MARCHF11: variants seen among roughly 807,000 people sequenced by gnomAD.
The protein encoded by MARCHF11 is membrane associated ring-CH-type finger 11, also known as E3 ubiquitin-protein ligase MARCHF11.
MARCHF11 carries 29 observed loss-of-function variants against 37.3 expected under a neutral mutation model. The ratio of observed to expected loss-of-function variants is 0.78; its 90% CI spans 0.58 to 1.06. The LOEUF is 1.06. MARCHF11 is among the 50% of genes least tolerant of loss of function. The probability of loss-of-function intolerance (pLI) is 0.00; values close to 1 mark genes in which losing one functional copy is unlikely to be tolerated. For synonymous variants in MARCHF11, 233 were observed against 228.0 expected, an observed-to-expected ratio of 1.02 and a Z score of -0.20; for missense variants, 482 against 533.4, an observed-to-expected ratio of 0.90 and a Z score of 0.95.
At chr5:16,119,552 C>T (rs142318493) in intron 2 of MARCHF11, among the ~76,000 whole-genome samples, 63 of 152,088 alleles carry the variant, frequency 4.1e-4, no homozygotes, top group African/African-American at 1.4e-3. Flanking sequence ...GGACCACAGC[C>T]CTGACATGCT....
At chr5:16,120,072 G>T (rs541008617) in intron 2 of MARCHF11, among the ~76,000 whole-genome samples, 1 of 152,322 alleles carries the variant, frequency 6.6e-6, no homozygotes, top group South Asian at 2.1e-4. Flanking sequence ...AGCCAGAGGG[G>T]TCTCCTAAAG....
At chr5:16,082,127 C>T (rs1736619071) in intron 3 of MARCHF11, among the ~76,000 whole-genome samples, 1 of 152,210 alleles carries the variant, frequency 6.6e-6, no homozygotes, top group South Asian at 2.1e-4. Context: ...GACAATTTCA[C>T]ATCACAAAGG....
chr5:16,129,459 A>G (rs1579399665), intron 2 of MARCHF11, among the ~76,000 whole-genome samples: 1 of 152,226 alleles, frequency 6.6e-6, no homozygotes, highest in African/African-American at 2.4e-5. Flanking sequence ...CATTTTTAAA[A>G]TAATCATTAC....
At chr5:16,105,625 A>G (rs1254686329) in intron 2 of MARCHF11, among the ~76,000 whole-genome samples, 2 of 152,146 alleles carry the variant, frequency 1.3e-5, no homozygotes, top group Non-Finnish European at 2.9e-5. Flanking sequence ...CACTTGGCCA[A>G]TGGCTGCAGG....
intron 2 of MARCHF11, among the ~76,000 whole-genome samples, chr5:16,150,438 G>T (rs1211632740): frequency 6.7e-6 from 1 of 149,376 alleles, no homozygotes; most frequent in South Asian, 2.1e-4. Flanking sequence ...GAACAGGCAG[G>T]GTAAATGGCC....
At position 16,090,905 on chromosome 5, in the gene MARCHF11, C is replaced by A; in HGVS notation, c.870G>T (p.Met290Ile). Residue 290 changes from methionine (M) to isoleucine (I), a missense_variant, in exon 3 of 4, where the codon ATG becomes ATT. Transcript: ENST00000332432. The part of the protein sequence containing the change: ...FQICYGMYGF[M>I]DLVCIGLIVH... ...TGGTCTTACCTATGCACACTAGATC[C>A]ATAAAACCATACATTCCATAGCAGA... 6.2e-7 allele frequency: 1 copy of A among 1,603,952 alleles called. No individual in the cohort carries two copies. Among genetic ancestry groups the A allele is most frequent in the South Asian group, 1.1e-5 (1 of 89,756 alleles).
intron 2 of MARCHF11, among the ~76,000 whole-genome samples, chr5:16,117,154 C>G (rs191290670): frequency 6.4e-4 from 97 of 152,280 alleles, no homozygotes; most frequent in African/African-American, 2.2e-3. Context: ...GGCAGTAGCT[C>G]TATCTGAGAA....
chr5:16,103,099 A>G (rs1268267363), intron 2 of MARCHF11, among the ~76,000 whole-genome samples: 1 of 148,462 alleles, frequency 6.7e-6, no homozygotes, highest in East Asian at 2.1e-4. Flanking sequence ...CCATGAGATC[A>G]CTGCCCAGGC....
chr5:16,154,595 C>CAA (rs1737936015), intron 2 of MARCHF11, among the ~76,000 whole-genome samples: 1 of 151,490 alleles, frequency 6.6e-6, no homozygotes, highest in Admixed American at 6.6e-5. Flanking sequence ...TGCCACCTCC[C>CAA]AAAAAGGGAG....
chr5:16,107,796 A>T (rs1252673854), intron 2 of MARCHF11, among the ~76,000 whole-genome samples: 1 of 152,008 alleles, frequency 6.6e-6, no homozygotes, highest in Non-Finnish European at 1.5e-5. Flanking sequence ...TGGCAGAGAA[A>T]CAGAGAAGGG....
At chr5:16,142,398 G>A (rs1043965241) in intron 2 of MARCHF11, among the ~76,000 whole-genome samples, 3 of 152,118 alleles carry the variant, frequency 2.0e-5, no homozygotes, top group Admixed American at 6.6e-5. Context: ...GCATTGGGAC[G>A]GATTTCAAAA....
chr5:16,153,692 T>C (rs1737925299), intron 2 of MARCHF11, among the ~76,000 whole-genome samples: 1 of 152,000 alleles, frequency 6.6e-6, no homozygotes, highest in South Asian at 2.1e-4. Context: ...AACATCTATT[T>C]ATCCTTTCCT....
At chr5:16,108,828 A>G (rs1737089708) in intron 2 of MARCHF11, among the ~76,000 whole-genome samples, 1 of 152,128 alleles carries the variant, frequency 6.6e-6, no homozygotes, top group South Asian at 2.1e-4. Context: ...TCCTGCAGCC[A>G]CAGAAGCAGA....
At chr5:16,167,204 T>C (rs1738186613) in intron 2 of MARCHF11, among the ~76,000 whole-genome samples, 1 of 151,712 alleles carries the variant, frequency 6.6e-6, no homozygotes, top group South Asian at 2.1e-4. Context: ...TTATAAGGAA[T>C]TGGCTCACAC....
chr5:16,118,265 T>C (rs1446345591), intron 2 of MARCHF11, among the ~76,000 whole-genome samples: 2 of 152,238 alleles, frequency 1.3e-5, no homozygotes, highest in Admixed American at 6.5e-5. Context: ...TGAAGTTTTC[T>C]TCCAAGCTAA....
chr5:16,109,179 A>G (rs935999069), intron 2 of MARCHF11, among the ~76,000 whole-genome samples: 1 of 151,866 alleles, frequency 6.6e-6, no homozygotes, highest in Non-Finnish European at 1.5e-5. Context: ...CACAGCTCCT[A>G]GAACCCTTGG....
At chr5:16,098,544 G>A (rs979825595) in intron 2 of MARCHF11, among the ~76,000 whole-genome samples, 5 of 152,018 alleles carry the variant, frequency 3.3e-5, no homozygotes, top group African/African-American at 1.2e-4. Flanking sequence ...GAGGCAGGTG[G>A]ATCACCTGAG....
intron 3 of MARCHF11, among the ~76,000 whole-genome samples, chr5:16,075,810 G>A (rs1736506801): frequency 6.6e-6 from 1 of 152,218 alleles, no homozygotes; most frequent in South Asian, 2.1e-4. Flanking sequence ...GTTCACGAGT[G>A]GGTTTTGGTC....
intron 2 of MARCHF11, among the ~76,000 whole-genome samples, chr5:16,175,125 C>G (rs951554132): frequency 6.6e-6 from 1 of 152,200 alleles, no homozygotes; most frequent in Non-Finnish European, 1.5e-5. Context: ...AATGAGCAAG[C>G]CTTCTTGGAT....
Sources: allele counts gnomAD v4.1 joint callset (sites outside exome capture counted in the v4.1 genomes callset), GRCh38; gene constraint gnomAD v4.1.1; transcripts MANE v1.5; gene names NCBI Gene and HGNC (gene_info 2026-07-23, HGNC 2026-07-21).